The following FAM200B variants were observed in gnomAD, a reference collection of about 807,000 sequenced individuals.
FAM200B encodes protein FAM200B.
A neutral mutation model predicts 33.1 loss-of-function variants in FAM200B; 32 were observed. That is an observed-to-expected ratio of 0.97 (90% confidence interval 0.73 to 1.30). The LOEUF (loss-of-function observed/expected upper bound fraction) is 1.30, where lower values mean the gene tolerates loss of function less well. Among genes scored for constraint, FAM200B ranks in the 50% most tolerant of loss-of-function variants. FAM200B has a pLI of 0.00. For missense variants in FAM200B, 741 were observed against 754.0 expected (o/e 0.98, Z 0.20); for synonymous variants, 240 against 264.8 (o/e 0.91, Z 0.91).
chr4:15,638,486 TC>T, the FAM200B span: 9 of 1,525,104 alleles, frequency 5.9e-6, no homozygotes, highest in Non-Finnish European at 7.0e-6. Flanking sequence ...AATAAATTGT[TC>T]TTTATATATA....
the FAM200B span, among the ~76,000 whole-genome samples, chr4:15,665,592 ACT>A: frequency 1.3e-5 from 2 of 151,540 alleles, no homozygotes; most frequent in Admixed American, 1.3e-4. Context: ...ACTCTTTCCC[ACT>A]CTTCTTCCCA....
At chr4:15,649,255 G>A in the FAM200B span, among the ~76,000 whole-genome samples, 7 of 151,972 alleles carry the variant, frequency 4.6e-5, no homozygotes, top group South Asian at 2.1e-4. Context: ...TTTTTAACCC[G>A]GTACCTAAAG....
chr4:15,668,957 A>G, the FAM200B span, among the ~76,000 whole-genome samples: 1 of 152,254 alleles, frequency 6.6e-6, no homozygotes, highest in Non-Finnish European at 1.5e-5. Context: ...TGGAAGCAAT[A>G]GTTACTATAA....
chr4:15,649,745 G>A, the FAM200B span, among the ~76,000 whole-genome samples: 1 of 151,876 alleles, frequency 6.6e-6, no homozygotes, highest in Non-Finnish European at 1.5e-5. Context: ...ACATACGGAA[G>A]GAAGCCAATG....
the FAM200B span, among the ~76,000 whole-genome samples, chr4:15,662,398 G>A: frequency 1.3e-5 from 2 of 152,180 alleles, no homozygotes; most frequent in Non-Finnish European, 2.9e-5. Context: ...ATGAAAAAGA[G>A]TAAAATATAC....
rs1162854352 is a variant in FAM200B at position 15,689,003 on chromosome 4, T to C, written c.*52T>C. On this transcript the variant is annotated 3_prime_UTR_variant, in exon 2 of 2. Coordinates refer to ENST00000422728, the MANE Select transcript of FAM200B (RefSeq NM_001145191.2). ...TCTTTGTATTTCTTATTTTGTAGTA[T>C]TTTTCTATGTTATATTTAAATGGTA... 2 of 1,301,680 alleles carry C rather than the reference T, an allele frequency of 1.5e-6. No individual in the cohort carries two copies. The highest frequency in any genetic ancestry group is 3.0e-5 in the African/African-American group (2 of 66,630). The allele number at this position is 1,301,680 out of a possible 1,614,324, so 80.6% of individuals were successfully genotyped here.
rs1393430758 is a variant in FAM200B at position 15,688,348 on chromosome 4, T to C, written c.1371T>C (p.Val457=). ...AAAACAGTGATGTATTCCAACATGT[T>C]GAACGTATCCAGGGATTTCGAAAGA... ...QGKNSDVFQH[V]ERIQGFRKTL... is the part of the protein sequence containing the mutation. The change falls in exon 2 of 2, where the codon GTT becomes GTC. Residue 457 remains valine (V), a synonymous_variant. Coordinates refer to ENST00000422728, the MANE Select transcript of FAM200B (RefSeq NM_001145191.2). 1 of 1,550,314 alleles carries C rather than the reference T, an allele frequency of 6.5e-7. No individual in the cohort carries two copies. Among genetic ancestry groups the C allele is most frequent in the East Asian group, 2.4e-5 (1 of 40,842 alleles).
chr4:15,652,652 G>A, the FAM200B span, among the ~76,000 whole-genome samples: 11 of 152,112 alleles, frequency 7.2e-5, no homozygotes, highest in African/African-American at 2.7e-4. Flanking sequence ...ACATAACTTT[G>A]GAATACATTA....
At chr4:15,647,737 T>C in the FAM200B span, among the ~76,000 whole-genome samples, 1 of 152,240 alleles carries the variant, frequency 6.6e-6, no homozygotes, top group South Asian at 2.1e-4. Flanking sequence ...AAGCACTGAC[T>C]CTAGGGCAAG....
At chr4:15,641,968 C>A in the FAM200B span, among the ~76,000 whole-genome samples, 1 of 151,434 alleles carries the variant, frequency 6.6e-6, no homozygotes, top group Non-Finnish European at 1.5e-5. Context: ...AAGGAGGTTG[C>A]GGTGAGCCGA....
At chr4:15,665,206 A>G in the FAM200B span, among the ~76,000 whole-genome samples, 20 of 152,274 alleles carry the variant, frequency 1.3e-4, no homozygotes, top group African/African-American at 4.3e-4. Flanking sequence ...TATTTGTGAC[A>G]TATTGTTAAA....
the FAM200B span, chr4:15,656,477 A>G: frequency 2.9e-6 from 1 of 341,694 alleles, no homozygotes; most frequent in Non-Finnish European, 5.8e-6. Flanking sequence ...TCTATTATCT[A>G]TCACAGTTGC....
chr4:15,682,455 T>G (rs1372851416), intron 1 of FAM200B, among the ~76,000 whole-genome samples: 1 of 152,138 alleles, frequency 6.6e-6, no homozygotes, highest in Non-Finnish European at 1.5e-5. Flanking sequence ...GTGATTGAAG[T>G]CCTTTGTCAG....
upstream of FAM200B, among the ~76,000 whole-genome samples, chr4:15,677,129 A>G (rs1718023798): frequency 6.6e-6 from 1 of 152,208 alleles, no homozygotes; most frequent in Non-Finnish European, 1.5e-5. Flanking sequence ...ACAAAATTCA[A>G]GATAATGGTT....
the FAM200B span, among the ~76,000 whole-genome samples, chr4:15,636,830 C>T: frequency 1.3e-5 from 2 of 152,182 alleles, no homozygotes; most frequent in Admixed American, 1.3e-4. Flanking sequence ...TTAGAGGTAA[C>T]ATGGGGATGT....
the FAM200B span, chr4:15,656,359 A>G: frequency 2.2e-6 from 1 of 448,706 alleles, no homozygotes; most frequent in Non-Finnish European, 4.5e-6. Context: ...AGATAGAGAA[A>G]TAGGAGAAAA....
chr4:15,686,666 T>G lies in FAM200B; in HGVS notation c.-312T>G, dbSNP rs1718871531. ...CATTGCAAGGAATGCTGAGGTCAAT[T>G]TCAATATGCGAGAGGGGTATTTGAT... is the stretch of plus-strand genomic sequence containing the variant. On this transcript the variant is annotated 5_prime_UTR_variant, in exon 2 of 2. In the 5' UTR this introduces an upstream ATG that the reference lacks. Transcript: ENST00000422728. The G allele has an allele frequency of 1.1e-5, 2 of 174,986 alleles. No homozygotes were observed. Among genetic ancestry groups the G allele is most frequent in the Non-Finnish European group, 2.4e-5 (2 of 83,534 alleles). 10.8% of individuals were successfully genotyped at this position (174,986 alleles called of 1,614,324 possible).
At chr4:15,670,355 G>A in the FAM200B span, among the ~76,000 whole-genome samples, 9 of 152,188 alleles carry the variant, frequency 5.9e-5, no homozygotes, top group Non-Finnish European at 1.2e-4. Flanking sequence ...TTTTCCAGTG[G>A]TTGCTCCGTT....
chr4:15,659,801 A>G, the FAM200B span: 1 of 896,070 alleles, frequency 1.1e-6, no homozygotes, highest in Non-Finnish European at 1.3e-6. Context: ...AGGCTCTATT[A>G]TGGGCTGACT....
Sources: gnomAD v4.1 joint callset for allele counts (sites outside exome capture counted in the v4.1 genomes callset) on GRCh38, gnomAD v4.1.1 for gene constraint, MANE v1.5 for transcripts, NCBI Gene and HGNC (gene_info 2026-07-23, HGNC 2026-07-21) for gene names.